Variants in PCDHA4 observed in about 807,000 individuals in gnomAD.
PCDHA4 encodes protocadherin alpha 4.
PCDHA4 carries 49 observed loss-of-function variants against 61.4 expected under a neutral mutation model. That is an observed-to-expected ratio of 0.80 (90% confidence interval 0.63 to 1.01). PCDHA4 has a LOEUF of 1.01. PCDHA4 is among the 50% of genes least tolerant of loss of function. The pLI is 0.00. For synonymous variants in PCDHA4, 590 were observed against 550.3 expected, an observed-to-expected ratio of 1.07 and a Z score of -1.01; for missense variants, 1,254 against 1,235.8, an observed-to-expected ratio of 1.01 and a Z score of -0.22.
chr5:140,970,141 G>T, intron 1 of PCDHA4, among the ~76,000 whole-genome samples: 1 of 152,166 alleles, frequency 6.6e-6, no homozygotes, highest in East Asian at 1.9e-4. Context: ...AAGGGAAAAA[G>T]AATTCTCCCA....
chr5:141,003,741 A>G (rs1291595687), intron 3 of PCDHA4, among the ~76,000 whole-genome samples: 5 of 152,180 alleles, frequency 3.3e-5, no homozygotes, highest in South Asian at 2.1e-4. Flanking sequence ...AAGCAAAACC[A>G]TATTTTGTAT....
chr5:140,955,452 G>A (rs921510611), intron 1 of PCDHA4, among the ~76,000 whole-genome samples: 1 of 152,024 alleles, frequency 6.6e-6, no homozygotes, highest in African/African-American at 2.4e-5. Flanking sequence ...TTTTATAAGG[G>A]CTTTTTCCTT....
chr5:140,808,162 G>A lies in PCDHA4; in HGVS notation c.975G>A (p.Lys325=), dbSNP rs782594853. 8.7e-6 allele frequency: 14 copies of A among 1,614,082 alleles called. No individual in the cohort carries two copies. The highest frequency in any genetic ancestry group is 2.7e-5 in the African/African-American group (2 of 74,926). ...SYEIIVEGID[K]GQLPLSGHCR... ...AAATTATTGTAGAGGGCATTGATAA[G>A]GGACAGCTCCCACTTTCTGGCCATT... Residue 325 remains lysine (K), a synonymous_variant, in exon 1 of 4, where the codon AAG becomes AAA. Transcript: ENST00000530339.
chr5:140,855,223 T>G lies in PCDHA4; in HGVS notation c.2385+45651T>G, dbSNP rs79371036. 4.7e-3 allele frequency among the ~76,000 whole-genome samples: 698 copies of G among 149,962 alleles called. 54 individuals are homozygous for G. Among genetic ancestry groups the G allele is most frequent in the Non-Finnish European group, 8.3e-3 (557 of 67,056 alleles). ...ATAGTTTCCATTTATGAAGCACTCATTCTCCTTAAGGTACTATTGCAAGCA... is the reference window on the plus strand; with the variant it reads ...ATAGTTTCCATTTATGAAGCACTCAGTCTCCTTAAGGTACTATTGCAAGCA... On this transcript the variant is annotated intron_variant, in intron 1 of 3. Coordinates refer to ENST00000530339, the MANE Select transcript of PCDHA4 (RefSeq NM_018907.4).
At chr5:140,927,564 GGACACAAAT>G in intron 1 of PCDHA4, 1 of 1,614,150 alleles carries the variant, frequency 6.2e-7, no homozygotes, top group Admixed American at 1.7e-5. Context: ...TCATTGTGGT[GGACACAAAT>G]GACAACGCGC....
intron 1 of PCDHA4, among the ~76,000 whole-genome samples, chr5:140,951,224 A>G (rs539647356): frequency 3.2e-4 from 49 of 151,938 alleles, no homozygotes; most frequent in Non-Finnish European, 6.9e-4. Context: ...TGGATTCTTG[A>G]TGGTCTTTAC....
intron 1 of PCDHA4, among the ~76,000 whole-genome samples, chr5:140,918,322 A>G (rs538027862): frequency 1.1e-4 from 16 of 152,220 alleles, no homozygotes; most frequent in African/African-American, 2.6e-4. Context: ...GTATAAAATT[A>G]TATTGTCTGC....
intron 1 of PCDHA4, chr5:140,860,673 C>A (rs955931174): frequency 1.2e-4 from 18 of 152,210 alleles, no homozygotes; most frequent in African/African-American, 4.3e-4. Context: ...AAATCAAATG[C>A]ACTTATGTTT....
At position 140,882,068 on chromosome 5, in the gene PCDHA4, C is replaced by A. The variant is rs1219461637; in HGVS notation, c.2385+72496C>A. 8.4e-6 allele frequency: 7 copies of A among 837,710 alleles called. No homozygotes were observed. The East Asian group carries it at 1.9e-4, about 22-fold the overall frequency. The allele number at this position is 837,710 out of a possible 1,614,324, so 51.9% of individuals were successfully genotyped here. On this transcript the variant is annotated intron_variant, in intron 1 of 3. Coordinates refer to ENST00000530339, the MANE Select transcript of PCDHA4 (RefSeq NM_018907.4). ...TCATACTTACACTTACACGTTCATG[C>A]GCATGGTGTCGCTCTTCACTGAGAA...
chr5:141,005,499 C>T (rs1399657712), intron 3 of PCDHA4, among the ~76,000 whole-genome samples: 1 of 151,380 alleles, frequency 6.6e-6, no homozygotes, highest in Non-Finnish European at 1.5e-5. Context: ...GTCAGGAGAT[C>T]GAGACCATCC....
rs144442346 is a variant in PCDHA4 at position 140,929,817 on chromosome 5, G to A, written c.2386-49132G>A. 1,292 of 158,464 alleles carry A rather than the reference G, an allele frequency of 8.2e-3. 7 individuals are homozygous for A. Among genetic ancestry groups the A allele is most frequent in the African/African-American group, 0.019 (796 of 41,644 alleles). 9.8% of individuals were successfully genotyped at this position (158,464 alleles called of 1,614,324 possible). On this transcript the variant is annotated intron_variant, in intron 1 of 3. Coordinates refer to ENST00000530339, the MANE Select transcript of PCDHA4 (RefSeq NM_018907.4). The stretch of plus-strand genomic sequence containing the variant: ...ATGGGGGTTAAAAGAAGGGAGAAAG[G>A]GAACATAAGAGAACATTTGAGTGAG...
At chr5:140,946,660 A>T (rs2094005518) in intron 1 of PCDHA4, among the ~76,000 whole-genome samples, 1 of 146,900 alleles carries the variant, frequency 6.8e-6, no homozygotes, top group African/African-American at 2.6e-5. Context: ...GCCATTAGAA[A>T]GAATGAAATC....
rs539246204 is a variant in PCDHA4 at position 140,883,140 on chromosome 5, A to G, written c.2385+73568A>G. On this transcript the variant is annotated intron_variant, in intron 1 of 3. Coordinates refer to ENST00000530339, the MANE Select transcript of PCDHA4 (RefSeq NM_018907.4). The stretch of plus-strand genomic sequence containing the variant: ...AGGCCTGTATGGCCTGCAGTGGTAT[A>G]TGCATTTACCATAAATCCGAACAAT... 9 of 1,614,118 alleles carry G rather than the reference A, an allele frequency of 5.6e-6. No individual in the cohort carries two copies. The South Asian group carries it at 9.9e-5, about 18-fold the overall frequency.
rs782107494 is a variant in PCDHA4, at chr5:140,808,751, C to T, written c.1564C>T (p.Pro522Ser). Reference protein sequence around the residue: ...AESGKVYALQPLDHEELELLQ... With the variant: ...AESGKVYALQSLDHEELELLQ... ...GAGCGGCAAGGTGTACGCGCTGCAG[C>T]CGCTGGACCACGAGGAGCTAGAGCT... Residue 522 changes from proline to serine, a missense_variant, in exon 1 of 4, where the codon CCG becomes TCG. Pro to Ser is a moderately conservative substitution (Grantham distance 74). Transcript: ENST00000530339. The T allele has an allele frequency of 6.2e-7, 1 of 1,612,214 alleles. No individual in the cohort carries two copies. The highest frequency in any genetic ancestry group is 1.1e-5 in the South Asian group (1 of 91,006).
At chr5:140,869,920 G>GTC in intron 1 of PCDHA4, 1 of 1,611,398 alleles carries the variant, frequency 6.2e-7, no homozygotes, top group Non-Finnish European at 8.5e-7. Context: ...AGACGAAGGA[G>GTC]TCAATGGAGA....
chr5:140,890,772 C>T (rs2062796545), intron 1 of PCDHA4, among the ~76,000 whole-genome samples: 1 of 152,118 alleles, frequency 6.6e-6, no homozygotes, highest in South Asian at 2.1e-4. Context: ...TATTTTAAAA[C>T]CCCATAAGAT....
At chr5:140,868,895 G>C in intron 1 of PCDHA4, 2 of 777,188 alleles carry the variant, frequency 2.6e-6, no homozygotes, top group Non-Finnish European at 4.0e-6. Flanking sequence ...TAGGCGCAAG[G>C]TGTCGCTCTT....
At position 140,854,099 on chromosome 5, in the gene PCDHA4, C is replaced by T. The variant is rs139574544; in HGVS notation, c.2385+44527C>T. 48 of 268,552 alleles carry T rather than the reference C, an allele frequency of 1.8e-4. 2 individuals are homozygous for T. Among genetic ancestry groups the T allele is most frequent in the African/African-American group, 8.8e-4 (36 of 40,902 alleles). 16.6% of individuals were successfully genotyped at this position (268,552 alleles called of 1,614,324 possible). The stretch of plus-strand genomic sequence containing the variant: ...ATCGCTTGAGCCTGGGACATTGAGG[C>T]TGCAGTGAACTGTGATGGCACAACT... On this transcript the variant is annotated intron_variant, in intron 1 of 3. Transcript: ENST00000530339.
At chr5:140,899,405 T>G (rs1369333627) in intron 1 of PCDHA4, among the ~76,000 whole-genome samples, 3 of 152,204 alleles carry the variant, frequency 2.0e-5, no homozygotes, top group Non-Finnish European at 4.4e-5. Flanking sequence ...CATGAAGGGT[T>G]GTTGAATTTT....
Sources: gnomAD v4.1 joint callset for allele counts (sites outside exome capture counted in the v4.1 genomes callset) on GRCh38, gnomAD v4.1.1 for gene constraint, MANE v1.5 for transcripts, NCBI Gene and HGNC (gene_info 2026-07-23, HGNC 2026-07-21) for gene names.